The following REXO5 variants were observed in gnomAD, a reference collection of about 807,000 sequenced individuals.
REXO5 encodes the protein RNA exonuclease 5.
REXO5 carries 48 observed loss-of-function variants against 88.5 expected under a neutral mutation model. The observed-to-expected ratio is 0.54, with a 90% CI of 0.43 to 0.69. The LOEUF (loss-of-function observed/expected upper bound fraction) is 0.69, where lower values mean the gene tolerates loss of function less well. Among genes scored for constraint, REXO5 ranks in the 30% least tolerant of loss-of-function variants. The probability of loss-of-function intolerance (pLI) is 0.00; values close to 1 mark genes in which losing one functional copy is unlikely to be tolerated. For missense variants in REXO5, 749 were observed against 912.2 expected (o/e 0.82, Z 2.30); for synonymous variants, 311 against 336.5 (o/e 0.92, Z 0.83).
chr16:20,817,524 G>A (rs562726168), intron 5 of REXO5, among the ~76,000 whole-genome samples: 8 of 152,188 alleles, frequency 5.3e-5, no homozygotes, highest in Non-Finnish European at 1.2e-4. Context: ...TATCCTGCAG[G>A]CTTTGTTTTT....
At chr16:20,840,145 T>C (rs2081504214) in intron 14 of REXO5, 186 bp from the exon 15 acceptor site, 1 of 537,958 alleles carries the variant, frequency 1.9e-6, no homozygotes, top group Non-Finnish European at 3.2e-6. Context: ...CTATATGATA[T>C]ACCTATTAAC....
At chr16:20,807,332 A>T (rs2152497713) in intron 2 of REXO5, 1 of 505,706 alleles carries the variant, frequency 2.0e-6, no homozygotes, top group East Asian at 3.5e-5. Context: ...TAATTCCAGC[A>T]CTTTGGGAGG....
Position 20,828,428 on chromosome 16 carries a change from T to C in REXO5, c.1056-7T>C, listed in dbSNP as rs753668592. On this transcript the variant is annotated splice_polypyrimidine_tract_variant and splice_region_variant and intron_variant, in intron 10 of 19. Transcript: ENST00000261377. ...TCCAGTATGTCAATTTTATATTGAC[T>C]TTCCAGGAAGGATATACAGTGTCCA... 2 of 1,593,718 alleles carry C rather than the reference T, an allele frequency of 1.3e-6. No homozygotes were observed. Among genetic ancestry groups the C allele is most frequent in the Non-Finnish European group, 1.7e-6 (2 of 1,161,552 alleles).
At chr16:20,830,565 AC>A in intron 11 of REXO5, among the ~76,000 whole-genome samples, 1 of 152,248 alleles carries the variant, frequency 6.6e-6, no homozygotes, top group East Asian at 1.9e-4. Context: ...TTCCCAAAGC[AC>A]TATCTCCCCA....
intron 2 of REXO5, among the ~76,000 whole-genome samples, chr16:20,810,448 C>T (rs139945956): frequency 0.011 from 1,744 of 151,918 alleles, 102 homozygotes; most frequent in Admixed American, 0.1. Context: ...TGCCCTGTCA[C>T]CCAGGCTGGA....
intron 13 of REXO5, among the ~76,000 whole-genome samples, chr16:20,838,199 CT>C (rs959626379): frequency 6.6e-6 from 1 of 151,992 alleles, no homozygotes; most frequent in East Asian, 1.9e-4. Context: ...GTTTTTTCTT[CT>C]TTTTTTGTGC....
At chr16:20,823,605 T>G (rs2081218538) in intron 6 of REXO5, 1 of 152,210 alleles carries the variant, frequency 6.6e-6, no homozygotes, top group African/African-American at 2.4e-5. Flanking sequence ...GACCATCTTT[T>G]GATTCTTTTC....
intron 2 of REXO5, among the ~76,000 whole-genome samples, chr16:20,808,150 T>TC (rs2080935850): frequency 6.6e-6 from 1 of 151,514 alleles, no homozygotes; most frequent in Non-Finnish European, 1.5e-5. Context: ...CCCGAAACCA[T>TC]CCCCCCAGCC....
intron 11 of REXO5, among the ~76,000 whole-genome samples, chr16:20,829,271 C>T (rs1157678439): frequency 1.3e-5 from 2 of 152,192 alleles, no homozygotes; most frequent in East Asian, 3.9e-4. Flanking sequence ...ATACTAAGCA[C>T]TATCCTGGTG....
chr16:20,823,835 A>G (rs1048972650), intron 6 of REXO5, among the ~76,000 whole-genome samples: 3 of 152,188 alleles, frequency 2.0e-5, no homozygotes, highest in African/African-American at 7.2e-5. Context: ...GGAGTACCTT[A>G]AATCTATAGC....
intron 5 of REXO5, among the ~76,000 whole-genome samples, chr16:20,820,815 C>T (rs1000969582): frequency 1.3e-5 from 2 of 151,596 alleles, no homozygotes; most frequent in African/African-American, 4.9e-5. Flanking sequence ...CCACCTACCT[C>T]AGCCTCCCAA....
At position 20,846,268 on chromosome 16, in the gene REXO5, G is replaced by T. The variant is rs1440662422; in HGVS notation, c.2172G>T (p.Arg724=). Residue 724 remains arginine (R), a synonymous_variant, in exon 19 of 20, where the codon CGG becomes CGT. Coordinates refer to ENST00000261377, the MANE Select transcript of REXO5 (RefSeq NM_030941.3). Reference sequence around the variant, plus strand: ...AGATAGCAGCCTGGCGCTGGAGCCGGAAGATTGGAAAGCTCTACAACAGCT... The same window carrying T: ...AGATAGCAGCCTGGCGCTGGAGCCGTAAGATTGGAAAGCTCTACAACAGCT... The part of the protein sequence containing the change: ...HPKIAAWRWS[R]KIGKLYNSLC... 2 of 1,614,078 alleles carry T rather than the reference G, an allele frequency of 1.2e-6. No homozygotes were observed. Among genetic ancestry groups the T allele is most frequent in the Non-Finnish European group, 1.7e-6 (2 of 1,179,962 alleles).
chr16:20,834,834 A>T (rs1356036290), intron 13 of REXO5, among the ~76,000 whole-genome samples: 1 of 152,218 alleles, frequency 6.6e-6, no homozygotes, highest in Non-Finnish European at 1.5e-5. Context: ...TCTAGTTAAC[A>T]TTCAGACTTT....
chr16:20,819,449 T>TC (rs960377906), intron 5 of REXO5, among the ~76,000 whole-genome samples: 2 of 44,054 alleles, frequency 4.5e-5, no homozygotes, highest in African/African-American at 8.7e-5. Flanking sequence ...CTTTCCTCCT[T>TC]TTTTTTTTTT....
intron 4 of REXO5, among the ~76,000 whole-genome samples, chr16:20,815,562 T>C (rs1009110041): frequency 6.6e-6 from 1 of 152,224 alleles, no homozygotes; most frequent in Admixed American, 6.5e-5. Context: ...CTTTCATTTA[T>C]TGAGCACTTC....
chr16:20,844,918 G>C, intron 17 of REXO5, 73 bp downstream of exon 17: 4 of 1,549,976 alleles, frequency 2.6e-6, no homozygotes, highest in Non-Finnish European at 3.5e-6. Flanking sequence ...TCAGAGAAAG[G>C]AAGATTCACC....
At position 20,849,431 on chromosome 16, in the gene REXO5, T is replaced by C; in HGVS notation, c.2276T>C (p.Met759Thr). 1.2e-6 allele frequency: 2 copies of C among 1,614,040 alleles called. No homozygotes were observed. The highest frequency in any genetic ancestry group is 1.6e-4 in the Middle Eastern group (1 of 6,062). Residue 759 changes from methionine (M) to threonine (T), a missense_variant, in exon 20 of 20, where the codon ATG (methionine) becomes ACG (threonine). Transcript: ENST00000261377. ...THGSLSGLGL[M>T]GIKEEEESAG... Reference sequence around the variant, plus strand: ...GGTTCACTCTCTGGTCTAGGACTGATGGGAATAAAAGAGGAAGAAGAAAGC... The same window carrying C: ...GGTTCACTCTCTGGTCTAGGACTGACGGGAATAAAAGAGGAAGAAGAAAGC...
intron 15 of REXO5, among the ~76,000 whole-genome samples, chr16:20,841,256 T>G (rs2081523346): frequency 6.6e-6 from 1 of 152,166 alleles, no homozygotes; most frequent in Non-Finnish European, 1.5e-5. Flanking sequence ...TTCACAGTCA[T>G]AACAATACCA....
At chr16:20,821,678 C>A in intron 5 of REXO5, 84 bp from the exon 6 acceptor site, 2 of 1,281,482 alleles carry the variant, frequency 1.6e-6, no homozygotes, top group Non-Finnish European at 2.1e-6. Flanking sequence ...CTTCCTTGTG[C>A]TTAGCCTATA....
Sources: allele counts gnomAD v4.1 joint callset (sites outside exome capture counted in the v4.1 genomes callset), GRCh38; gene constraint gnomAD v4.1.1; transcripts MANE v1.5; gene names NCBI Gene and HGNC (gene_info 2026-07-23, HGNC 2026-07-21).